Variants in SORL1 observed in about 807,000 individuals in gnomAD.
SORL1 encodes sortilin-related receptor.
SORL1 carries 127 observed loss-of-function variants against 273.7 expected under a neutral mutation model. The ratio of observed to expected loss-of-function variants is 0.46; its 90% confidence interval spans 0.40 to 0.54. The LOEUF is 0.54. Ranked by LOEUF, SORL1 falls within the 20% of genes least tolerant of loss-of-function variation. The pLI is 0.00. For missense variants in SORL1, 2,494 were observed against 2,846.1 expected, an observed-to-expected ratio of 0.88 and a Z score of 2.81; for synonymous variants, 1,031 against 1,067.4, an observed-to-expected ratio of 0.97 and a Z score of 0.66.
chr11:121,608,876 A>G (rs1423259687), intron 38 of SORL1: 1 of 152,446 alleles, frequency 6.6e-6, no homozygotes, highest in African/African-American at 2.4e-5. Context: ...GGGCTGAGAC[A>G]CATGCGGCCT....
chr11:121,513,215 C>G lies in SORL1; in HGVS notation c.1041+111C>G, dbSNP rs138959230. 1.5e-3 allele frequency: 1,232 copies of G among 810,362 alleles called. 7 individuals carry two copies. In the African/African-American group the frequency reaches 0.018, roughly 12 times the overall value. The allele number at this position is 810,362 out of a possible 1,614,324, so 50.2% of individuals were successfully genotyped here. A position where few individuals can be genotyped will look rare whatever the true frequency, so the allele number is the denominator to read the frequency against. On this transcript the variant is annotated intron_variant, in intron 7 of 47. Transcript: ENST00000260197. Reference sequence around the variant, plus strand: ...TGGAGTGGATATTTTATGGCGCCTCCCTGAAGTCAGGTCTCTAGAGAGTGC... The same window carrying G: ...TGGAGTGGATATTTTATGGCGCCTCGCTGAAGTCAGGTCTCTAGAGAGTGC...
chr11:121,621,222 C>T lies in SORL1; in HGVS notation c.6048C>T (p.Ser2016=). The change falls in exon 44 of 48, where the codon AGC becomes AGT. Residue 2016 remains serine (S), a synonymous_variant. Coordinates refer to ENST00000260197, the MANE Select transcript of SORL1 (RefSeq NM_003105.6). ...TGGGGAACATGAGCAAAGATTCCAG[C>T]ATAAAAATTACCACAGGTAAGCAGG... The part of the protein sequence containing the change: ...VQLGNMSKDS[S]IKITTVSLSA... 1.9e-6 allele frequency: 3 copies of T among 1,613,888 alleles called. No individual in the cohort carries two copies. Among genetic ancestry groups the T allele is most frequent in the Non-Finnish European group, 2.5e-6 (3 of 1,179,868 alleles).
chr11:121,619,677 G>A (rs1863693106), intron 42 of SORL1, 76 bp from the exon 43 acceptor site: 3 of 1,141,582 alleles, frequency 2.6e-6, no homozygotes, highest in Non-Finnish European at 2.5e-6. Context: ...TCATTATTTT[G>A]TTGAAAAAAT....
intron 31 of SORL1, among the ~76,000 whole-genome samples, chr11:121,594,486 A>G (rs1301369632): frequency 3.3e-5 from 5 of 150,702 alleles, no homozygotes; most frequent in Admixed American, 1.3e-4. Flanking sequence ...TTTATATTTC[A>G]ACTCTTTGCT....
At chr11:121,613,908 G>A (rs1863603970) in intron 40 of SORL1, among the ~76,000 whole-genome samples, 1 of 152,230 alleles carries the variant, frequency 6.6e-6, no homozygotes. Context: ...ATTATGCCAA[G>A]CACTTCCTAA....
intron 22 of SORL1, among the ~76,000 whole-genome samples, chr11:121,567,595 C>T (rs1012073276): frequency 1.3e-5 from 2 of 152,250 alleles, no homozygotes; most frequent in African/African-American, 4.8e-5. Context: ...GTGTCCTGAA[C>T]TTTCAGACCA....
At chr11:121,514,080 C>T in intron 7 of SORL1, 72 bp from the exon 8 acceptor site, 1 of 1,476,432 alleles carries the variant, frequency 6.8e-7, no homozygotes, top group South Asian at 1.3e-5. Context: ...GTCATTGCTT[C>T]CGTGTGTATA....
chr11:121,589,954 G>C, intron 29 of SORL1, 86 bp from the exon 30 acceptor site: 1 of 1,517,646 alleles, frequency 6.6e-7, no homozygotes, highest in Non-Finnish European at 9.0e-7. Context: ...CCTGGAACTT[G>C]GGTCTGGAGG....
chr11:121,600,481 C>A (rs1464663592), intron 32 of SORL1, among the ~76,000 whole-genome samples: 1 of 152,172 alleles, frequency 6.6e-6, no homozygotes, highest in Admixed American at 6.5e-5. Flanking sequence ...ACAGTAGGAA[C>A]ATCTGAGGCG....
chr11:121,510,759 T>C (rs1422170608), intron 6 of SORL1, among the ~76,000 whole-genome samples: 1 of 152,196 alleles, frequency 6.6e-6, no homozygotes, highest in Non-Finnish European at 1.5e-5. Context: ...GCAGTGTCTG[T>C]CACTATGTAC....
chr11:121,471,566 A>G (rs118159886), intron 2 of SORL1, among the ~76,000 whole-genome samples: 3,957 of 152,318 alleles, frequency 0.026, 84 homozygotes, highest in Middle Eastern at 0.048. Flanking sequence ...GTCACCCTGC[A>G]TTCTGGCCGG....
chr11:121,463,155 C>A (rs563872314), intron 1 of SORL1, among the ~76,000 whole-genome samples: 23 of 152,208 alleles, frequency 1.5e-4, no homozygotes, highest in African/African-American at 4.8e-4. Flanking sequence ...CAGTGAGAAC[C>A]ACCACATTGC....
At position 121,496,944 on chromosome 11, in the gene SORL1, C is replaced by G; in HGVS notation, c.834C>G (p.Phe278Leu). 1 of 1,613,976 alleles carries G rather than the reference C, an allele frequency of 6.2e-7. No individual in the cohort carries two copies. Among genetic ancestry groups the G allele is most frequent in the Non-Finnish European group, 8.5e-7 (1 of 1,179,932 alleles). The change falls in exon 6 of 48, where the codon TTC becomes TTG. Residue 278 changes from phenylalanine to leucine, a missense_variant. Around this residue, in one of 3 missense-constraint regions of SORL1, gnomAD observed 710 missense variants for 882.5 expected, o/e 0.80. Transcript: ENST00000260197. ...AACCCTCTGGCTACTCCACTGTCTTCCGAAGTACAGATTTCTTCCAGTCCC... is the reference window on the plus strand; with the variant it reads ...AACCCTCTGGCTACTCCACTGTCTTGCGAAGTACAGATTTCTTCCAGTCCC... ...RHEPSGYSTVFRSTDFFQSRE... is the reference protein window; with the variant it reads ...RHEPSGYSTVLRSTDFFQSRE...
intron 6 of SORL1, among the ~76,000 whole-genome samples, chr11:121,508,090 C>T (rs1482492362): frequency 1.3e-5 from 2 of 152,192 alleles, no homozygotes; most frequent in Non-Finnish European, 2.9e-5. Flanking sequence ...TTTTCTTAAA[C>T]TCTTTGAACC....
intron 31 of SORL1, among the ~76,000 whole-genome samples, chr11:121,593,340 G>A (rs1192715008): frequency 6.6e-6 from 1 of 152,180 alleles, no homozygotes; most frequent in Non-Finnish European, 1.5e-5. Context: ...TGTTTGCTTA[G>A]GTTGTTTTGT....
At chr11:121,486,246 C>T (rs1342364485) in intron 3 of SORL1, among the ~76,000 whole-genome samples, 2 of 152,176 alleles carry the variant, frequency 1.3e-5, no homozygotes, top group South Asian at 4.1e-4. Context: ...CTCATTCTTC[C>T]AGGAGCAGGG....
At chr11:121,459,793 T>C (rs118038177) in intron 1 of SORL1, among the ~76,000 whole-genome samples, 3,873 of 152,338 alleles carry the variant, frequency 0.025, 84 homozygotes, top group Middle Eastern at 0.044. Context: ...TACCTTGATG[T>C]AGCTGGGTCT....
At chr11:121,477,105 A>G (rs987980867) in intron 2 of SORL1, among the ~76,000 whole-genome samples, 3 of 152,038 alleles carry the variant, frequency 2.0e-5, no homozygotes, top group Admixed American at 2.0e-4. Flanking sequence ...TTTTTCTTTA[A>G]TGCTCATCCT....
intron 38 of SORL1, chr11:121,610,236 A>G (rs1192537640): frequency 6.6e-6 from 1 of 152,232 alleles, no homozygotes; most frequent in Non-Finnish European, 1.5e-5. Context: ...ATATTGATCC[A>G]TTGAGCTCTT....
Sources: gnomAD v4.1 joint callset for allele counts (sites outside exome capture counted in the v4.1 genomes callset) on GRCh38, gnomAD v4.1.1 for gene constraint, gnomAD v4.1.1 regional missense constraint, MANE v1.5 for transcripts, NCBI Gene and HGNC (gene_info 2026-07-23, HGNC 2026-07-21) for gene names.